Variants in TRIP12 observed in about 807,000 individuals in gnomAD.
TRIP12 encodes E3 ubiquitin-protein ligase TRIP12.
In TRIP12, 25 loss-of-function variants were observed where a neutral mutation model predicts 244.2. That is an observed-to-expected ratio of 0.10 (90% CI 0.07 to 0.14). TRIP12 has a LOEUF of 0.14. Among genes scored for constraint, TRIP12 ranks in the 10% least tolerant of loss-of-function variants. The probability of loss-of-function intolerance (pLI) is 1.00; values close to 1 mark genes in which losing one functional copy is unlikely to be tolerated. For synonymous variants in TRIP12, 905 were observed against 873.1 expected (o/e 1.04, Z -0.64); for missense variants, 1,677 against 2,486.4 (o/e 0.67, Z 6.92).
intron 2 of TRIP12, among the ~76,000 whole-genome samples, chr2:229,871,218 G>A (rs941001407): frequency 2.6e-5 from 4 of 151,784 alleles, no homozygotes; most frequent in Non-Finnish European, 2.9e-5. Flanking sequence ...GGAGGGGACC[G>A]GAAAGGAAAG....
At chr2:229,776,437 C>T (rs1014216024) in intron 37 of TRIP12, among the ~76,000 whole-genome samples, 2 of 152,144 alleles carry the variant, frequency 1.3e-5, no homozygotes, top group East Asian at 3.8e-4. Flanking sequence ...ATACCAATTT[C>T]TCTTAACAGA....
chr2:229,837,935 C>A (rs899574871), intron 5 of TRIP12, among the ~76,000 whole-genome samples: 2 of 152,092 alleles, frequency 1.3e-5, no homozygotes, highest in African/African-American at 4.8e-5. Flanking sequence ...CCTTCAACAG[C>A]GAAATCAGTA....
At chr2:229,796,533 A>G in intron 25 of TRIP12, 58 bp downstream of exon 25, 3 of 1,373,056 alleles carry the variant, frequency 2.2e-6, no homozygotes, top group South Asian at 1.7e-5. Flanking sequence ...AGATGAAAAT[A>G]TATGCATTAG....
intron 33 of TRIP12, among the ~76,000 whole-genome samples, chr2:229,786,069 G>A (rs1431650918): frequency 1.3e-5 from 2 of 152,198 alleles, no homozygotes; most frequent in African/African-American, 4.8e-5. Flanking sequence ...AGATGCAAGA[G>A]TAATTACTAA....
intron 1 of TRIP12, among the ~76,000 whole-genome samples, chr2:229,898,986 T>C (rs1419295092): frequency 6.6e-6 from 1 of 152,244 alleles, no homozygotes; most frequent in African/African-American, 2.4e-5. Context: ...CTGTGCTCAG[T>C]ATTGCTGAAT....
At chr2:229,884,675 C>CA (rs1215179716) in intron 1 of TRIP12, among the ~76,000 whole-genome samples, 1 of 152,052 alleles carries the variant, frequency 6.6e-6, no homozygotes, top group Non-Finnish European at 1.5e-5. Context: ...AAATCACCTG[C>CA]AAAAAAATAA....
Position 229,811,207 on chromosome 2 carries a change from A to G in TRIP12, c.1987-3T>C, listed in dbSNP as rs2047160814. 2 of 1,611,688 alleles carry G rather than the reference A, an allele frequency of 1.2e-6. No homozygotes were observed. The highest frequency in any genetic ancestry group is 1.7e-5 in the Admixed American group (1 of 59,838). On this transcript the variant is annotated splice_polypyrimidine_tract_variant and splice_region_variant and intron_variant, in intron 13 of 41. Transcript: ENST00000675903. ...GTGCTTTCTACTGACTTTTTATCCT[A>G]TTTTTTTAATAAAGGAAAATAAAAT...
rs1189987369 is a variant in TRIP12, at chr2:229,859,367, T to C, written c.432A>G (p.Ser144=). The C allele has an allele frequency of 1.2e-6, 2 of 1,614,254 alleles. No homozygotes were observed. Among genetic ancestry groups the C allele is most frequent in the East Asian group, 4.5e-5 (2 of 44,890 alleles). The change falls in exon 4 of 42, where the codon TCA becomes TCG. Residue 144 remains serine (S), a synonymous_variant. Transcript: ENST00000675903. ...PKALQHTESP[S]ETNKPHSKSK... is the part of the protein sequence containing the mutation. ...ACTTACTATGTGGCTTATTTGTTTC[T>C]GAGGGAGATTCAGTATGCTGAAGTG...
chr2:229,787,997 T>C (rs1467892923), intron 32 of TRIP12, among the ~76,000 whole-genome samples: 1 of 152,130 alleles, frequency 6.6e-6, no homozygotes, highest in Non-Finnish European at 1.5e-5. Flanking sequence ...GAGACGGGGT[T>C]TCACCATGTT....
intron 38 of TRIP12, chr2:229,773,557 AT>A: frequency 6.6e-6 from 1 of 151,788 alleles, no homozygotes; most frequent in South Asian, 2.1e-4. Flanking sequence ...TAATTTTTGC[AT>A]TTTTTTGTAG....
intron 4 of TRIP12, among the ~76,000 whole-genome samples, chr2:229,844,733 ATCT>A (rs3838549): frequency 0.25 from 37,533 of 151,990 alleles, 5,640 homozygotes; most frequent in Middle Eastern, 0.42. Flanking sequence ...TGGATTTAAG[ATCT>A]TCATTCCATA....
intron 1 of TRIP12, among the ~76,000 whole-genome samples, chr2:229,919,036 G>T (rs1322898791): frequency 3.9e-5 from 6 of 152,162 alleles, no homozygotes; most frequent in African/African-American, 1.4e-4. Flanking sequence ...CCAAGCCAGT[G>T]ATGTTTTCCT....
At chr2:229,768,124 C>G (rs1250267349) in intron 41 of TRIP12, among the ~76,000 whole-genome samples, 1 of 152,028 alleles carries the variant, frequency 6.6e-6, no homozygotes, top group Non-Finnish European at 1.5e-5. Flanking sequence ...AGACATGGTG[C>G]TGTGTTGTGC....
intron 2 of TRIP12, among the ~76,000 whole-genome samples, chr2:229,866,944 G>A (rs1451923681): frequency 6.6e-6 from 1 of 152,112 alleles, no homozygotes; most frequent in Non-Finnish European, 1.5e-5. Flanking sequence ...ACTGGCAAAT[G>A]ATATAAATTG....
In TRIP12 at chr2:229,788,786, T is replaced by C; in HGVS notation, c.4838+12A>G. Reference sequence around the variant, plus strand: ...ATTTCCAAGGCCACCATTACAGAAGTGATTGTCTTACCAGGTTTTTCCTAG... The same window carrying C: ...ATTTCCAAGGCCACCATTACAGAAGCGATTGTCTTACCAGGTTTTTCCTAG... On this transcript the variant is annotated intron_variant, in intron 32 of 41. Transcript: ENST00000675903. 2 of 1,610,548 alleles carry C rather than the reference T, an allele frequency of 1.2e-6. No individual in the cohort carries two copies. Among genetic ancestry groups the C allele is most frequent in the Non-Finnish European group, 1.7e-6 (2 of 1,179,082 alleles).
At chr2:229,831,181 T>C (rs2053258918) in intron 6 of TRIP12, 3 of 697,150 alleles carry the variant, frequency 4.3e-6, no homozygotes, top group Non-Finnish European at 5.3e-6. Flanking sequence ...GCTGTAACAA[T>C]TGTGATTATT....
rs1231556733 is a variant in TRIP12, at chr2:229,852,208, T to A, written c.1027+6564A>T. On this transcript the variant is annotated intron_variant, in intron 4 of 41. Coordinates refer to ENST00000675903, the MANE Select transcript of TRIP12 (RefSeq NM_001348323.3). ...ACGTGCACATGATGTCCACTTTAAA[T>A]AATAGAGAGTAAAGTAGATCTTCAA... Among the ~76,000 whole-genome samples, 3 of 152,180 alleles carry A rather than the reference T, an allele frequency of 2.0e-5. No homozygotes were observed. In the East Asian group the frequency reaches 5.8e-4, roughly 29 times the overall value.
At chr2:229,771,473 C>T (rs750259881) in intron 39 of TRIP12, 46 bp downstream of exon 39, 8 of 1,538,348 alleles carry the variant, frequency 5.2e-6, no homozygotes, top group Non-Finnish European at 6.3e-6. Flanking sequence ...AAACACTCCA[C>T]TAAAATTATA....
chr2:229,847,820 G>A (rs1340312920), intron 4 of TRIP12, among the ~76,000 whole-genome samples: 1 of 152,054 alleles, frequency 6.6e-6, no homozygotes, highest in Non-Finnish European at 1.5e-5. Context: ...TCCTCTCCTG[G>A]TTCCAGCAAA....
Sources: gnomAD v4.1 joint callset for allele counts (sites outside exome capture counted in the v4.1 genomes callset) on GRCh38, gnomAD v4.1.1 for gene constraint, MANE v1.5 for transcripts, NCBI Gene and HGNC (gene_info 2026-07-23, HGNC 2026-07-21) for gene names.